The following ZFHX3 variants were observed in gnomAD, a reference collection of about 807,000 sequenced individuals.
ZFHX3 encodes zinc finger homeobox 3, also known as zinc finger homeobox protein 3.
ZFHX3 carries 42 observed loss-of-function variants against 279.1 expected under a neutral mutation model. That is an observed-to-expected ratio of 0.15 (90% confidence interval 0.12 to 0.19). The LOEUF (loss-of-function observed/expected upper bound fraction) is 0.19. ZFHX3 is among the 10% of genes least tolerant of loss of function. The pLI, the probability that ZFHX3 is intolerant of heterozygous loss-of-function variation, is 1.00. For synonymous variants in ZFHX3, 2,293 were observed against 1,957.8 expected (o/e 1.17, Z -4.52); for missense variants, 4,981 against 4,754.0 (o/e 1.05, Z -1.40).
chr16:72,856,853 G>C (rs2037766021), intron 4 of ZFHX3, among the ~76,000 whole-genome samples: 1 of 152,170 alleles, frequency 6.6e-6, no homozygotes, highest in Non-Finnish European at 1.5e-5. Context: ...AGTGAGTGGG[G>C]CCTGGCTTAT....
chr16:73,546,830 G>A (rs1183817353), intron 2 of ZFHX3, among the ~76,000 whole-genome samples: 2 of 151,844 alleles, frequency 1.3e-5, no homozygotes, highest in Non-Finnish European at 2.9e-5. Context: ...GGGGGTGAGG[G>A]GGGAGGGAGG....
intron 5 of ZFHX3, among the ~76,000 whole-genome samples, chr16:73,200,685 C>A (rs1968251546): frequency 6.6e-6 from 1 of 152,142 alleles, no homozygotes. Flanking sequence ...AACCAATTCA[C>A]AAATCACAGA....
intron 4 of ZFHX3, among the ~76,000 whole-genome samples, chr16:72,888,835 G>A (rs2038696476): frequency 6.6e-6 from 1 of 152,162 alleles, no homozygotes; most frequent in Admixed American, 6.5e-5. Context: ...GAATAGAGGT[G>A]AGCAGTTCAC....
intron 3 of ZFHX3, among the ~76,000 whole-genome samples, chr16:73,340,929 A>G (rs2016019755): frequency 6.6e-6 from 1 of 152,240 alleles, no homozygotes; most frequent in African/African-American, 2.4e-5. Context: ...TAACATTTAA[A>G]AAATTGCATG....
chr16:72,938,028 G>A (rs1960213432), intron 3 of ZFHX3, among the ~76,000 whole-genome samples: 1 of 152,238 alleles, frequency 6.6e-6, no homozygotes, highest in African/African-American at 2.4e-5. Flanking sequence ...TCACAAAACT[G>A]AAGGCAATCC....
intron 1 of ZFHX3, among the ~76,000 whole-genome samples, chr16:73,689,940 C>G (rs1257304540): frequency 6.6e-6 from 1 of 151,966 alleles, no homozygotes; most frequent in African/African-American, 2.4e-5. Context: ...TTGCCTCAGC[C>G]TCCTGAGTAG....
chr16:72,890,658 C>T (rs548742542), intron 3 of ZFHX3, among the ~76,000 whole-genome samples: 2 of 152,346 alleles, frequency 1.3e-5, no homozygotes, highest in Admixed American at 6.5e-5. Context: ...CCCAGTGCAA[C>T]ACCGGCTTTC....
At chr16:73,677,119 C>A (rs901307404) in intron 2 of ZFHX3, among the ~76,000 whole-genome samples, 7 of 151,852 alleles carry the variant, frequency 4.6e-5, no homozygotes, top group African/African-American at 1.7e-4. Context: ...ACCATGGATT[C>A]TTTTCCAAAG....
intron 5 of ZFHX3, among the ~76,000 whole-genome samples, chr16:73,222,973 T>C (rs112810073): frequency 4.9e-4 from 75 of 152,262 alleles, no homozygotes; most frequent in African/African-American, 1.6e-3. Context: ...AGAGGAAAGA[T>C]AGTCTTTTAA....
At chr16:73,245,179 G>C (rs989801784) in intron 5 of ZFHX3, among the ~76,000 whole-genome samples, 3 of 152,182 alleles carry the variant, frequency 2.0e-5, no homozygotes, top group African/African-American at 4.8e-5. Context: ...TCTCATTGTT[G>C]ATTTACTCAT....
intron 1 of ZFHX3, among the ~76,000 whole-genome samples, chr16:73,691,271 A>G (rs1349587576): frequency 6.6e-6 from 1 of 152,174 alleles, no homozygotes; most frequent in African/African-American, 2.4e-5. Flanking sequence ...GCAAACCTCC[A>G]GAAGCCGCAC....
chr16:73,382,313 G>A (rs2016830025), intron 3 of ZFHX3, among the ~76,000 whole-genome samples: 1 of 152,156 alleles, frequency 6.6e-6, no homozygotes, highest in Non-Finnish European at 1.5e-5. Context: ...CGACGAAGAT[G>A]TTATACACAA....
chr16:72,892,110 C>A (rs2144087531), intron 3 of ZFHX3, among the ~76,000 whole-genome samples: 1 of 152,318 alleles, frequency 6.6e-6, no homozygotes, highest in Non-Finnish European at 1.5e-5. Flanking sequence ...GTCCTGTGTT[C>A]ACTGATCACG....
chr16:73,553,041 C>T (rs200887453), intron 2 of ZFHX3, among the ~76,000 whole-genome samples: 2 of 152,156 alleles, frequency 1.3e-5, no homozygotes, highest in Non-Finnish European at 2.9e-5. Context: ...CTAATCACAT[C>T]GCCTGTGAAT....
At chr16:72,838,999 A>G (rs959110898) in intron 4 of ZFHX3, among the ~76,000 whole-genome samples, 1 of 152,154 alleles carries the variant, frequency 6.6e-6, no homozygotes, top group Non-Finnish European at 1.5e-5. Flanking sequence ...TAAGAAAGCT[A>G]GCTATGTCCC....
chr16:73,137,912 A>G (rs1448991181), intron 6 of ZFHX3, among the ~76,000 whole-genome samples: 1 of 152,092 alleles, frequency 6.6e-6, no homozygotes, highest in Non-Finnish European at 1.5e-5. Flanking sequence ...GGGTGGGGGA[A>G]TATCCAGTTC....
At chr16:73,654,324 C>T (rs9929712) in intron 2 of ZFHX3, among the ~76,000 whole-genome samples, 1 of 152,156 alleles carries the variant, frequency 6.6e-6, no homozygotes, top group Non-Finnish European at 1.5e-5. Context: ...TGAAATGATA[C>T]TCAAAAATTT....
At chr16:73,547,382 T>C (rs1158219190) in intron 2 of ZFHX3, among the ~76,000 whole-genome samples, 1 of 152,236 alleles carries the variant, frequency 6.6e-6, no homozygotes, top group Admixed American at 6.5e-5. Flanking sequence ...TAAATCCTAC[T>C]TCATTCCTTT....
chr16:73,356,523 G>T (rs951739167), intron 3 of ZFHX3, among the ~76,000 whole-genome samples: 9 of 151,990 alleles, frequency 5.9e-5, no homozygotes, highest in Admixed American at 5.2e-4. Flanking sequence ...CACATGCCTT[G>T]TTCTACATGC....
Sources: gnomAD v4.1 joint callset for allele counts (sites outside exome capture counted in the v4.1 genomes callset) on GRCh38, gnomAD v4.1.1 for gene constraint, MANE v1.5 for transcripts, NCBI Gene and HGNC (gene_info 2026-07-23, HGNC 2026-07-21) for gene names.